Variants in MACF1 observed in about 807,000 individuals in gnomAD.
The protein encoded by MACF1 is microtubule-actin cross-linking factor 1.
In MACF1, 193 loss-of-function variants were observed where a neutral mutation model predicts 854.8. That is an observed-to-expected ratio of 0.23 (90% CI 0.20 to 0.25). The LOEUF (loss-of-function observed/expected upper bound fraction) is 0.25, where lower values mean the gene tolerates loss of function less well. Among genes scored for constraint, MACF1 ranks in the 10% least tolerant of loss-of-function variants. The pLI, the probability that MACF1 is intolerant of heterozygous loss-of-function variation, is 1.00. For synonymous variants in MACF1, 3,185 were observed against 3,226.7 expected (o/e 0.99, Z 0.44); for missense variants, 7,722 against 8,929.1 (o/e 0.86, Z 5.45).
At chr1:39,219,229 C>T (rs1644618823) in intron 1 of MACF1, among the ~76,000 whole-genome samples, 1 of 152,208 alleles carries the variant, frequency 6.6e-6, no homozygotes, top group Non-Finnish European at 1.5e-5. Flanking sequence ...ATAGTTAGTA[C>T]TTTTCCTTTA....
At chr1:39,300,457 C>T in intron 22 of MACF1, 95 bp downstream of exon 22, 3 of 1,255,064 alleles carry the variant, frequency 2.4e-6, no homozygotes, top group South Asian at 1.7e-5. Context: ...GATCAAATTA[C>T]AGCGTTTTTA....
At chr1:39,454,866 A>G (rs544991558) in intron 88 of MACF1, 43 bp from the exon 89 acceptor site, 20 of 1,545,848 alleles carry the variant, frequency 1.3e-5, no homozygotes, top group Non-Finnish European at 1.6e-5. Flanking sequence ...CAAAGGGGGT[A>G]TGCTTGACTG....
chr1:39,103,230 CCT>C (rs900555981), intron 2 of MACF1: 5 of 344,678 alleles, frequency 1.5e-5, no homozygotes, highest in East Asian at 7.5e-5. Flanking sequence ...CCTTTTTGCC[CCT>C]GTTCTTTCTT....
intron 58 of MACF1, among the ~76,000 whole-genome samples, chr1:39,406,756 A>AAAAAAAAAAAAAAC (rs746955922): frequency 0.014 from 1,582 of 115,838 alleles, 212 homozygotes; most frequent in African/African-American, 0.052. Flanking sequence ...AAAAAAAAAA[A>AAAAAAAAAAAAAAC]AACATTCTTT....
In MACF1 at chr1:39,084,193, C is replaced by G. The variant is rs532919986; in HGVS notation, c.-26C>G. ...TCACTTCTCCCTGGGCTCCCAGGCC[C>G]TCCTGCAGCAGCCCCCGCCTGGGCC... is the stretch of plus-strand genomic sequence containing the variant. On this transcript the variant is annotated 5_prime_UTR_variant, in exon 2 of 94. Coordinates refer to the MACF1 transcript ENST00000361689. This position sits in a 1 kb window ranked among gnomAD's most constrained non-coding sequence, Gnocchi z 5.2. The G allele has an allele frequency of 6.2e-7, 1 of 1,606,154 alleles. No individual in the cohort carries two copies. Among genetic ancestry groups the G allele is most frequent in the Admixed American group, 1.7e-5 (1 of 60,002 alleles).
rs1644253796 is a variant in MACF1 at position 39,447,463 on chromosome 1, C to G, written c.19637C>G (p.Thr6546Arg). The change falls in exon 81 of 101, where the codon ACA becomes AGA. Residue 6546 changes from threonine (T) to arginine (R), a missense_variant. Around this residue, in one of 15 missense-constraint regions of MACF1, gnomAD observed 729 missense variants for 900.5 expected, o/e 0.81. Coordinates refer to ENST00000564288, the MANE Select transcript of MACF1 (RefSeq NM_001394062.1). ...CTGGAAGAGGCCCTCAACTTGGCAA[C>G]AGAATTCCAGAATTCCCTACAAGAA... is the stretch of plus-strand genomic sequence containing the variant. The part of the protein sequence containing the change: ...SKLEEALNLA[T>R]EFQNSLQEFI... 6.2e-7 allele frequency: 1 copy of G among 1,614,082 alleles called. No individual in the cohort carries two copies. The highest frequency in any genetic ancestry group is 8.5e-7 in the Non-Finnish European group (1 of 1,180,004).
intron 16 of MACF1, among the ~76,000 whole-genome samples, chr1:39,292,403 TCA>T (rs1339492315): frequency 1.3e-5 from 2 of 152,220 alleles, no homozygotes; most frequent in Non-Finnish European, 2.9e-5. Context: ...GAGAAACTAT[TCA>T]CACAGTTTCC....
intron 15 of MACF1, 80 bp downstream of exon 15, chr1:39,287,642 T>C (rs1645670816): frequency 1.4e-6 from 2 of 1,468,958 alleles, no homozygotes; most frequent in Non-Finnish European, 1.9e-6. Context: ...CCAAATTGCT[T>C]TGTGTTCCCT....
intron 20 of MACF1, 89 bp from the exon 21 acceptor site, chr1:39,297,531 C>A: frequency 6.6e-7 from 1 of 1,508,694 alleles, no homozygotes. Flanking sequence ...CTTTGCTAAG[C>A]TCTGCACAGT....
intron 1 of MACF1, among the ~76,000 whole-genome samples, chr1:39,226,205 CT>C (rs1364853006): frequency 2.0e-5 from 3 of 152,130 alleles, no homozygotes. Flanking sequence ...ACAATAAGTA[CT>C]TAAACGTCTT....
chr1:39,351,037 G>A lies in MACF1; in HGVS notation c.11199+19G>A, dbSNP rs767192389. The A allele has an allele frequency of 2.3e-5, 36 of 1,568,498 alleles. No individual in the cohort carries two copies. Among genetic ancestry groups the A allele is most frequent in the African/African-American group, 9.6e-5 (7 of 72,924 alleles). On this transcript the variant is annotated intron_variant, in intron 43 of 100. Transcript: ENST00000564288. ...TGAAAAGGTAATAGACTGCTATGACGCTTGATATTTTTCAAAAAAGAAAAT... is the reference window on the plus strand; with the variant it reads ...TGAAAAGGTAATAGACTGCTATGACACTTGATATTTTTCAAAAAAGAAAAT...
intron 69 of MACF1, among the ~76,000 whole-genome samples, chr1:39,434,863 T>C (rs533748576): frequency 6.6e-6 from 1 of 152,270 alleles, no homozygotes; most frequent in South Asian, 2.1e-4. Context: ...ATGACAGAAC[T>C]AAAGAAAGAA....
At position 39,269,830 on chromosome 1, in the gene MACF1, TA is replaced by T. The variant is rs570599292; in HGVS notation, c.528+11803del. The T allele has an allele frequency of 8.0e-5, 68 of 851,792 alleles. 1 individual carries two copies. In the South Asian group the frequency reaches 1.1e-3, roughly 14 times the overall value. The allele number at this position is 851,792 out of a possible 1,614,324, so 52.8% of individuals were successfully genotyped here. A position where few individuals can be genotyped will look rare whatever the true frequency, so the allele number is the denominator to read the frequency against. ...TGAGGATGTTGGTGCCTCTCAAACT[TA>T]CCCCCATGTGGGTTAGTATCTGCTG... On this transcript the variant is annotated intron_variant, in intron 6 of 100. Transcript: ENST00000564288.
At chr1:39,434,383 AT>A in intron 68 of MACF1, 30 bp from the exon 69 acceptor site, 3 of 1,173,700 alleles carry the variant, frequency 2.6e-6, no homozygotes, top group Non-Finnish European at 3.7e-6. Context: ...AGTAATACTT[AT>A]CCTTTTTTTT....
At chr1:39,458,157 C>A (rs1277246451) in intron 89 of MACF1, 2 of 514,370 alleles carry the variant, frequency 3.9e-6, no homozygotes, top group Non-Finnish European at 6.9e-6. Flanking sequence ...CCGTTAGACC[C>A]CACCTCCAGC....
rs1037616686 is a variant in MACF1, at chr1:39,235,177, C to T, written c.171+3934C>T. Among the ~76,000 whole-genome samples, 10 of 152,372 alleles carry T rather than the reference C, an allele frequency of 6.6e-5. No individual in the cohort carries two copies. In the East Asian group the frequency reaches 7.7e-4, roughly 12 times the overall value. On this transcript the variant is annotated intron_variant, in intron 2 of 100. Coordinates refer to ENST00000564288, the MANE Select transcript of MACF1 (RefSeq NM_001394062.1). ...GGCGGCTGGGAGGTGGAGGTTGTAG[C>T]GAGCCGAGATCACGCCACTGCACTC... is the stretch of plus-strand genomic sequence containing the variant.
chr1:39,280,811 C>T (rs746143604), intron 6 of MACF1, among the ~76,000 whole-genome samples: 2 of 152,180 alleles, frequency 1.3e-5, no homozygotes, highest in African/African-American at 4.8e-5. Context: ...CTCCTGACCT[C>T]AGGTGATCTG....
At chr1:39,202,871 G>A (rs1200440912), upstream of MACF1, among the ~76,000 whole-genome samples, 2 of 152,110 alleles carry the variant, frequency 1.3e-5, no homozygotes, top group African/African-American at 4.8e-5. Context: ...GTAAATATTT[G>A]ATGAATGAAA....
chr1:39,463,728 C>G, intron 94 of MACF1, 42 bp downstream of exon 94: 1 of 1,561,824 alleles, frequency 6.4e-7, no homozygotes, highest in Non-Finnish European at 8.8e-7. Context: ...GGTGGTTTCT[C>G]ATATGTGGCT....
Sources: allele counts gnomAD v4.1 joint callset (sites outside exome capture counted in the v4.1 genomes callset), GRCh38; gene constraint gnomAD v4.1.1; regional missense constraint gnomAD v4.1.1; non-coding constraint Gnocchi (gnomAD v3.1); transcripts MANE v1.5; gene names NCBI Gene and HGNC (gene_info 2026-07-23, HGNC 2026-07-21).